Variants in B3GLCT observed in about 807,000 individuals in gnomAD.
B3GLCT encodes beta-1,3-glucosyltransferase.
Under a neutral mutation model 63.4 loss-of-function variants are expected in B3GLCT, and 65 were observed. The observed-to-expected ratio is 1.03, with a 90% confidence interval of 0.84 to 1.26. B3GLCT has a LOEUF of 1.26. Among genes scored for constraint, B3GLCT ranks in the 50% most tolerant of loss-of-function variants. B3GLCT has a pLI of 0.00. For synonymous variants in B3GLCT, 233 were observed against 219.2 expected (o/e 1.06, Z -0.55); for missense variants, 577 against 604.8 (o/e 0.95, Z 0.48).
chr13:31,239,742 T>C (rs1489451365), intron 4 of B3GLCT, among the ~76,000 whole-genome samples: 1 of 151,736 alleles, frequency 6.6e-6, no homozygotes, highest in Non-Finnish European at 1.5e-5. Flanking sequence ...GATCCCATGC[T>C]GAAACAATCT....
intron 14 of B3GLCT, among the ~76,000 whole-genome samples, chr13:31,327,786 ACT>A (rs1478405976): frequency 6.6e-6 from 1 of 152,110 alleles, no homozygotes; most frequent in Non-Finnish European, 1.5e-5. Flanking sequence ...TGTCTGTCTC[ACT>A]GTTTTTTCCT....
At chr13:31,309,893 C>T (rs764523859) in intron 12 of B3GLCT, among the ~76,000 whole-genome samples, 1 of 152,186 alleles carries the variant, frequency 6.6e-6, no homozygotes, top group African/African-American at 2.4e-5. Flanking sequence ...AGTATTTCTT[C>T]CTCTAGGTTA....
chr13:31,200,533 A>G (rs1481289668), intron 1 of B3GLCT, among the ~76,000 whole-genome samples: 2 of 150,134 alleles, frequency 1.3e-5, no homozygotes, highest in South Asian at 2.1e-4. Context: ...AAACTTTGCA[A>G]CAGCGCGAGT....
intron 8 of B3GLCT, among the ~76,000 whole-genome samples, chr13:31,272,367 A>C (rs373369293): frequency 3.3e-5 from 5 of 151,850 alleles, no homozygotes; most frequent in Non-Finnish European, 7.4e-5. Flanking sequence ...GGTGCCCGCC[A>C]CCATGCCCGG....
At chr13:31,293,487 G>A (rs145628373) in intron 12 of B3GLCT, among the ~76,000 whole-genome samples, 8 of 152,258 alleles carry the variant, frequency 5.3e-5, no homozygotes, top group African/African-American at 1.9e-4. Flanking sequence ...GGATGCTCCG[G>A]TATTGGGTGC....
chr13:31,235,400 A>G (rs367983575), intron 4 of B3GLCT, among the ~76,000 whole-genome samples: 70 of 152,240 alleles, frequency 4.6e-4, no homozygotes, highest in African/African-American at 1.6e-3. Context: ...AGGGGAAGCC[A>G]TGGGCCCTGC....
At chr13:31,294,720 CA>C (rs140971676) in intron 12 of B3GLCT, among the ~76,000 whole-genome samples, 2,661 of 152,190 alleles carry the variant, frequency 0.017, 29 homozygotes, top group Non-Finnish European at 0.022. Context: ...AACCTTTTTT[CA>C]AGGTTCTTAG....
rs959520101 is a variant in B3GLCT, at chr13:31,332,198, A to C, written c.*2530A>C. On this transcript the variant is annotated 3_prime_UTR_variant, in exon 15 of 15. Coordinates refer to ENST00000343307, the MANE Select transcript of B3GLCT (RefSeq NM_194318.4). Reference sequence around the variant, plus strand: ...AATTAATGTAATTGACATCTTCAAGAATGTTTCTATTGTCTTCCATTCATA... The same window carrying C: ...AATTAATGTAATTGACATCTTCAAGCATGTTTCTATTGTCTTCCATTCATA... 8 of 152,212 alleles carry C rather than the reference A, an allele frequency of 5.3e-5. No individual in the cohort carries two copies. Among genetic ancestry groups the C allele is most frequent in the African/African-American group, 1.9e-4 (8 of 41,476 alleles). 9.4% of individuals were successfully genotyped at this position (152,212 alleles called of 1,614,324 possible).
intron 12 of B3GLCT, 21 bp from the exon 13 acceptor site, chr13:31,317,545 G>T (rs547402772): frequency 6.2e-7 from 1 of 1,613,634 alleles, no homozygotes; most frequent in Non-Finnish European, 8.5e-7. Flanking sequence ...ATCATGATTT[G>T]TGTTCCCTTT....
rs1555255279 is a variant in B3GLCT at position 31,316,407 on chromosome 13, T to TTACATATATATATATATATA, written c.1065-1157_1065-1156insCATATATATATATATATATA. On this transcript the variant is annotated intron_variant, in intron 12 of 14. Transcript: ENST00000343307. ...TGGAATCAAGGAGATTTTGGAGGTT[T>TTACATATATATATATATATA]TATATATATATATATATATATATAA... Among the ~76,000 whole-genome samples the TTACATATATATATATATATA allele has an allele frequency of 2.0e-4, 8 of 40,866 alleles. 1 individual carries two copies. Among genetic ancestry groups the TTACATATATATATATATATA allele is most frequent in the Non-Finnish European group, 5.4e-5 (1 of 18,520 alleles). 26.8% of individuals were successfully genotyped at this position (40,866 alleles called of 152,430 possible). A position where few individuals can be genotyped will look rare whatever the true frequency, so the allele number is the denominator to read the frequency against.
intron 13 of B3GLCT, among the ~76,000 whole-genome samples, chr13:31,322,789 A>G (rs1383175275): frequency 6.6e-6 from 1 of 152,194 alleles, no homozygotes; most frequent in African/African-American, 2.4e-5. Context: ...AAAGAAAAAA[A>G]GCATTTTTAC....
chr13:31,219,978 A>G (rs545730502), intron 2 of B3GLCT, among the ~76,000 whole-genome samples: 2 of 152,318 alleles, frequency 1.3e-5, no homozygotes, highest in South Asian at 2.1e-4. Flanking sequence ...ATCTTGTTCA[A>G]CCTACAACAC....
At chr13:31,269,031 C>G (rs986735587) in intron 7 of B3GLCT, among the ~76,000 whole-genome samples, 183 bp from the exon 8 acceptor site, 2 of 152,184 alleles carry the variant, frequency 1.3e-5, no homozygotes, top group African/African-American at 4.8e-5. Flanking sequence ...GGCTTGCATT[C>G]ATTTATTGGT....
At chr13:31,290,135 G>T (rs1015515397) in intron 12 of B3GLCT, among the ~76,000 whole-genome samples, 1 of 152,136 alleles carries the variant, frequency 6.6e-6, no homozygotes, top group Non-Finnish European at 1.5e-5. Flanking sequence ...TTCTGTTCCT[G>T]TATTAGTTTG....
In B3GLCT at chr13:31,203,547, T is replaced by C. The variant is rs945811583; in HGVS notation, c.70+3393T>C. Among the ~76,000 whole-genome samples the C allele has an allele frequency of 2.1e-4, 32 of 152,232 alleles. 2 individuals are homozygous for C. Among genetic ancestry groups the C allele is most frequent in the Non-Finnish European group, 1.5e-5 (1 of 68,042 alleles). On this transcript the variant is annotated intron_variant, in intron 1 of 14. Transcript: ENST00000343307. Reference sequence around the variant, plus strand: ...AGCACTTCCTTATAATTGGCTCTTTTGGAGCCAGGTTTTTTTGGTGTGTTT... The same window carrying C: ...AGCACTTCCTTATAATTGGCTCTTTCGGAGCCAGGTTTTTTTGGTGTGTTT...
intron 2 of B3GLCT, among the ~76,000 whole-genome samples, chr13:31,216,379 G>A (rs1332914904): frequency 6.6e-6 from 1 of 152,120 alleles, no homozygotes; most frequent in South Asian, 2.1e-4. Context: ...AAGGTCACAT[G>A]ATTTTTTTTT....
At chr13:31,321,362 C>G (rs568364663) in intron 13 of B3GLCT, among the ~76,000 whole-genome samples, 1 of 152,310 alleles carries the variant, frequency 6.6e-6, no homozygotes, top group East Asian at 1.9e-4. Context: ...AACCAATATG[C>G]CTTTTAACAG....
intron 1 of B3GLCT, among the ~76,000 whole-genome samples, chr13:31,209,840 C>G (rs9529119): frequency 0.77 from 117,568 of 152,144 alleles, 45,729 homozygotes; most frequent in East Asian, 1. Flanking sequence ...CTTGTTTTTA[C>G]TGTTCCGTTT....
At chr13:31,317,091 A>T (rs1190903621) in intron 12 of B3GLCT, among the ~76,000 whole-genome samples, 1 of 152,230 alleles carries the variant, frequency 6.6e-6, no homozygotes, top group East Asian at 1.9e-4. Context: ...CCTGCCAGCC[A>T]GGGGCCCAAC....
Sources: allele counts gnomAD v4.1 joint callset (sites outside exome capture counted in the v4.1 genomes callset), GRCh38; gene constraint gnomAD v4.1.1; transcripts MANE v1.5; gene names NCBI Gene and HGNC (gene_info 2026-07-23, HGNC 2026-07-21).